XNDC1N: variants seen among roughly 807,000 people sequenced by gnomAD.
The protein encoded by XNDC1N is XRCC1 N-terminal domain containing 1, N-terminal like, also known as protein XNDC1N.
At chr11:71,867,108 G>T in the XNDC1N span, among the ~76,000 whole-genome samples, 3 of 151,882 alleles carry the variant, frequency 2.0e-5, no homozygotes, top group South Asian at 6.2e-4. Flanking sequence ...GACTGTGATG[G>T]GTTAAAGAGC....
At chr11:71,877,441 C>G in the XNDC1N span, among the ~76,000 whole-genome samples, 1 of 152,328 alleles carries the variant, frequency 6.6e-6, no homozygotes, top group African/African-American at 2.4e-5. Context: ...AGTTCGAGAC[C>G]AGCCTGGCCA....
the XNDC1N span, chr11:71,917,818 G>T: frequency 2.9e-6 from 2 of 698,154 alleles, no homozygotes; most frequent in South Asian, 3.0e-5. Flanking sequence ...GGAATGAGAT[G>T]ACTGAAGACA....
chr11:71,919,765 C>T, the XNDC1N span, among the ~76,000 whole-genome samples: 2 of 149,996 alleles, frequency 1.3e-5, no homozygotes, highest in African/African-American at 4.9e-5. Context: ...CTACAGGCGC[C>T]CACCACCATG....
At chr11:71,922,738 T>C in the XNDC1N span, among the ~76,000 whole-genome samples, 1 of 152,144 alleles carries the variant, frequency 6.6e-6, no homozygotes, top group African/African-American at 2.4e-5. Context: ...CAAATGCCAA[T>C]GGCACCCCTT....
the XNDC1N span, among the ~76,000 whole-genome samples, chr11:71,879,651 A>AGT: frequency 6.6e-6 from 1 of 152,038 alleles, no homozygotes; most frequent in African/African-American, 2.4e-5. Flanking sequence ...ATTGCCTTAA[A>AGT]GTGTTCTATT....
the XNDC1N span, among the ~76,000 whole-genome samples, chr11:71,913,022 T>C: frequency 6.6e-6 from 1 of 152,114 alleles, no homozygotes; most frequent in Admixed American, 6.5e-5. Flanking sequence ...GAGGGGTTGG[T>C]GTACATTCCC....
At chr11:71,911,120 G>C in the XNDC1N span, among the ~76,000 whole-genome samples, 8 of 152,236 alleles carry the variant, frequency 5.3e-5, no homozygotes, top group Non-Finnish European at 1.2e-4. Context: ...GGAGGGCCTT[G>C]GCAGCAACTG....
At chr11:71,918,790 C>T in the XNDC1N span, 2 of 653,396 alleles carry the variant, frequency 3.1e-6, no homozygotes, top group East Asian at 2.7e-5. Context: ...AAAGGCTGCT[C>T]AGCCAGAATG....
the XNDC1N span, among the ~76,000 whole-genome samples, chr11:71,897,445 A>T: frequency 6.6e-6 from 1 of 152,228 alleles, no homozygotes; most frequent in Admixed American, 6.5e-5. Flanking sequence ...TCCCTAAAGA[A>T]GATATCACAA....
At chr11:71,909,343 G>A in the XNDC1N span, among the ~76,000 whole-genome samples, 1 of 151,514 alleles carries the variant, frequency 6.6e-6, no homozygotes, top group African/African-American at 2.4e-5. Context: ...AAAGAGGCAA[G>A]GGAAGGGAGG....
the XNDC1N span, chr11:71,904,118 T>G: frequency 2.0e-6 from 1 of 501,594 alleles, no homozygotes; most frequent in South Asian, 1.4e-5. Context: ...AGCAGCGCAG[T>G]CTAATCTCAA....
chr11:71,881,301 A>T, the XNDC1N span, among the ~76,000 whole-genome samples: 1 of 152,214 alleles, frequency 6.6e-6, no homozygotes, highest in South Asian at 2.1e-4. Context: ...TTTCACTTAA[A>T]GTCAATTTTG....
the XNDC1N span, among the ~76,000 whole-genome samples, chr11:71,923,042 C>T: frequency 6.6e-6 from 1 of 152,204 alleles, no homozygotes; most frequent in Non-Finnish European, 1.5e-5. Context: ...AGTTTCTGGG[C>T]TTACAGCTTT....
At chr11:71,878,369 C>T in the XNDC1N span, 7 of 1,481,996 alleles carry the variant, frequency 4.7e-6, no homozygotes, top group African/African-American at 2.8e-5. Flanking sequence ...CTCAGCAACT[C>T]ACCTCTTCAG....
chr11:71,867,071 T>C, the XNDC1N span, among the ~76,000 whole-genome samples: 1 of 152,214 alleles, frequency 6.6e-6, no homozygotes, highest in African/African-American at 2.4e-5. Flanking sequence ...TTATATTAGA[T>C]GTAAAGTAGT....
At chr11:71,877,841 A>G in the XNDC1N span, among the ~76,000 whole-genome samples, 4 of 152,200 alleles carry the variant, frequency 2.6e-5, no homozygotes, top group African/African-American at 4.8e-5. Context: ...TAGGTTCCCT[A>G]AGGCCCACTC....
the XNDC1N span, among the ~76,000 whole-genome samples, chr11:71,887,204 G>T: frequency 6.7e-6 from 1 of 148,888 alleles, no homozygotes; most frequent in Admixed American, 6.7e-5. Flanking sequence ...CCGGTCGCCC[G>T]GTTATCCAAA....
chr11:71,890,386 A>T, the XNDC1N span, among the ~76,000 whole-genome samples: 6 of 152,128 alleles, frequency 3.9e-5, no homozygotes, highest in Non-Finnish European at 7.4e-5. Flanking sequence ...GGGGATGTAT[A>T]ACTTCTGAGA....
chr11:71,887,113 C>A, the XNDC1N span, among the ~76,000 whole-genome samples: 1 of 152,220 alleles, frequency 6.6e-6, no homozygotes, highest in Non-Finnish European at 1.5e-5. Flanking sequence ...CCCCATTGAG[C>A]CTCTGGTCAC....
Sources: allele counts gnomAD v4.1 joint callset (sites outside exome capture counted in the v4.1 genomes callset), GRCh38; gene constraint gnomAD v4.1.1; transcripts MANE v1.5; gene names NCBI Gene and HGNC (gene_info 2026-07-23, HGNC 2026-07-21).